The following CCNJL variants were observed in gnomAD, a reference collection of about 807,000 sequenced individuals.
The protein encoded by CCNJL is cyclin J like.
CCNJL carries 33 observed loss-of-function variants against 33.4 expected under a neutral mutation model. That is an observed-to-expected ratio of 0.99 (90% CI 0.75 to 1.32). CCNJL has a LOEUF of 1.32. Ranked by LOEUF, CCNJL falls within the 40% of genes most tolerant of loss-of-function variation. CCNJL has a pLI of 0.00. For synonymous variants in CCNJL, 227 were observed against 220.9 expected (o/e 1.03, Z -0.24); for missense variants, 512 against 499.7 (o/e 1.02, Z -0.23).
At chr5:160,274,588 A>G (rs2113322256) in intron 3 of CCNJL, among the ~76,000 whole-genome samples, 1 of 152,114 alleles carries the variant, frequency 6.6e-6, no homozygotes, top group South Asian at 2.1e-4. Context: ...GGGCTTTCCC[A>G]CCCCCCTGAA....
intron 3 of CCNJL, among the ~76,000 whole-genome samples, chr5:160,263,348 C>T (rs1012186561): frequency 2.6e-5 from 4 of 152,214 alleles, no homozygotes; most frequent in Non-Finnish European, 4.4e-5. Flanking sequence ...CTGACTTTCT[C>T]CAGGGGTCCT....
intron 2 of CCNJL, among the ~76,000 whole-genome samples, chr5:160,299,149 A>T (rs1050207820): frequency 2.1e-4 from 31 of 146,884 alleles, no homozygotes; most frequent in Non-Finnish European, 3.8e-4. Flanking sequence ...TAGCTAATTT[A>T]AAAAAAAATT....
chr5:160,270,581 A>G (rs1057047458), intron 3 of CCNJL, among the ~76,000 whole-genome samples: 1 of 152,206 alleles, frequency 6.6e-6, no homozygotes, highest in Non-Finnish European at 1.5e-5. Flanking sequence ...TGCCTCAAAA[A>G]GATAAATAAA....
At chr5:160,304,813 ACTTT>A (rs888787482) in intron 2 of CCNJL, among the ~76,000 whole-genome samples, 4 of 113,086 alleles carry the variant, frequency 3.5e-5, no homozygotes, top group South Asian at 2.7e-4. Context: ...CTTGGTCACT[ACTTT>A]CTTTCTTTTT....
At chr5:160,272,556 T>G (rs1580969419) in intron 3 of CCNJL, among the ~76,000 whole-genome samples, 2 of 152,046 alleles carry the variant, frequency 1.3e-5, no homozygotes, top group African/African-American at 4.8e-5. Context: ...TGGACACGGG[T>G]GAGGGGCCGG....
intron 3 of CCNJL, among the ~76,000 whole-genome samples, chr5:160,275,088 T>G (rs1324452350): frequency 1.3e-5 from 2 of 150,772 alleles, no homozygotes; most frequent in Non-Finnish European, 3.0e-5. Context: ...TTTGTGTGTT[T>G]TTTTTTTTTT....
chr5:160,282,984 T>TATATATATATATATATATATACAC (rs1762277207), intron 2 of CCNJL, among the ~76,000 whole-genome samples: 1 of 58,108 alleles, frequency 1.7e-5, no homozygotes, highest in Non-Finnish European at 3.2e-5. Flanking sequence ...TATATATATA[T>TATATATATATATATATATATACAC]ATATATATAT....
rs765432135 is a variant in CCNJL, at chr5:160,253,310, C to T, written c.*68G>A. 11 of 1,463,480 alleles carry T rather than the reference C, an allele frequency of 7.5e-6. No homozygotes were observed. The highest frequency in any genetic ancestry group is 9.2e-6 in the Non-Finnish European group (10 of 1,091,648). The allele number at this position is 1,463,480 out of a possible 1,614,324, so 90.7% of individuals were successfully genotyped here. A position where few individuals can be genotyped will look rare whatever the true frequency, so the allele number is the denominator to read the frequency against. On this transcript the variant is annotated 3_prime_UTR_variant, in exon 6 of 6. Transcript: ENST00000257536. ...CCTCCTGCTGCCTCACTTGGCTGAG[C>T]TCTCCTCTTCAGTGTCCTCTTCCTC...
At chr5:160,268,610 A>T (rs1335564802) in intron 3 of CCNJL, among the ~76,000 whole-genome samples, 1 of 152,178 alleles carries the variant, frequency 6.6e-6, no homozygotes, top group East Asian at 1.9e-4. Context: ...CATCTGTAAG[A>T]GGGTGCTTCA....
chr5:160,320,221 A>G (rs1054055713), intron 1 of CCNJL, among the ~76,000 whole-genome samples: 1 of 152,240 alleles, frequency 6.6e-6, no homozygotes, highest in African/African-American at 2.4e-5. Flanking sequence ...ATCCATAATA[A>G]TAACAGAGCA....
chr5:160,258,612 G>A (rs1761178743), intron 4 of CCNJL: 4 of 1,274,704 alleles, frequency 3.1e-6, no homozygotes, highest in Admixed American at 1.7e-5. Context: ...GTCTGTGGAT[G>A]CAGCTGTTAC....
chr5:160,279,744 G>A (rs1762143452), intron 3 of CCNJL, among the ~76,000 whole-genome samples: 2 of 152,218 alleles, frequency 1.3e-5, no homozygotes, highest in Non-Finnish European at 2.9e-5. Context: ...GGCCAGTGTG[G>A]CTGGAACCCA....
chr5:160,274,186 T>C (rs1228566807), intron 3 of CCNJL, among the ~76,000 whole-genome samples: 2 of 151,866 alleles, frequency 1.3e-5, no homozygotes, highest in African/African-American at 4.8e-5. Context: ...GGGCCAGGTG[T>C]GGTGGCTCAC....
intron 1 of CCNJL, among the ~76,000 whole-genome samples, chr5:160,328,717 A>AAC (rs1763569868): frequency 7.0e-6 from 1 of 142,972 alleles, no homozygotes; most frequent in Non-Finnish European, 1.5e-5. Flanking sequence ...TAAAAATACA[A>AAC]AAAAAAAAAA....
intron 2 of CCNJL, among the ~76,000 whole-genome samples, chr5:160,305,074 A>G (rs1763049197): frequency 6.6e-6 from 1 of 152,012 alleles, no homozygotes; most frequent in Non-Finnish European, 1.5e-5. Flanking sequence ...TCGGCCTCCC[A>G]AAGTGCTGGG....
At chr5:160,293,116 T>C (rs1197428334) in intron 2 of CCNJL, among the ~76,000 whole-genome samples, 1 of 152,212 alleles carries the variant, frequency 6.6e-6, no homozygotes, top group African/African-American at 2.4e-5. Context: ...GTTTGTATTT[T>C]CCTTTCAAAA....
intron 1 of CCNJL, among the ~76,000 whole-genome samples, chr5:160,336,265 A>G (rs1049584267): frequency 6.6e-6 from 1 of 152,220 alleles, no homozygotes; most frequent in Non-Finnish European, 1.5e-5. Context: ...CCTTATTTGG[A>G]AAAAGGGTCT....
At chr5:160,339,099 T>TAA (rs1763718473) in intron 1 of CCNJL, among the ~76,000 whole-genome samples, 1 of 152,042 alleles carries the variant, frequency 6.6e-6, no homozygotes, top group Non-Finnish European at 1.5e-5. Context: ...AAACTACTCT[T>TAA]AAACCTCAAA....
Position 160,253,762 on chromosome 5 carries a change from G to A in CCNJL, c.780C>T (p.Val260=). ...YDNVLKDAVA[V]KSQALAMVPG... is the part of the protein sequence containing the mutation. ...GCACCATTGCCAAGGCCTGGCTCTTGACGGCTACGGCATCCTTGAGGACGT... is the reference window on the plus strand; with the variant it reads ...GCACCATTGCCAAGGCCTGGCTCTTAACGGCTACGGCATCCTTGAGGACGT... The change falls in exon 6 of 6, where the codon GTC becomes GTT. Residue 260 remains valine (V), a synonymous_variant. Transcript: ENST00000257536. The A allele has an allele frequency of 6.5e-7, 1 of 1,533,430 alleles. No individual in the cohort carries two copies. Among genetic ancestry groups the A allele is most frequent in the Non-Finnish European group, 8.8e-7 (1 of 1,142,634 alleles). 95.0% of individuals were successfully genotyped at this position (1,533,430 alleles called of 1,614,324 possible).
Sources: allele counts gnomAD v4.1 joint callset (sites outside exome capture counted in the v4.1 genomes callset), GRCh38; gene constraint gnomAD v4.1.1; transcripts MANE v1.5; gene names NCBI Gene and HGNC (gene_info 2026-07-23, HGNC 2026-07-21).